The following PHACTR1 variants were observed in gnomAD, a reference collection of about 807,000 sequenced individuals.
PHACTR1 encodes the protein RPEL repeat containing 1.
PHACTR1 carries 16 observed loss-of-function variants against 69.2 expected under a neutral mutation model. The ratio of observed to expected loss-of-function variants is 0.23; its 90% confidence interval spans 0.16 to 0.35. PHACTR1 has a LOEUF of 0.35. Among genes scored for constraint, PHACTR1 ranks in the 10% least tolerant of loss-of-function variants. The probability of loss-of-function intolerance (pLI) is 1.00; values close to 1 mark genes in which losing one functional copy is unlikely to be tolerated. For missense variants in PHACTR1, 510 were observed against 734.7 expected (o/e 0.69, Z 3.54); for synonymous variants, 312 against 284.5 (o/e 1.10, Z -0.97).
At chr6:12,731,789 T>C (rs1260085743) in intron 3 of PHACTR1, among the ~76,000 whole-genome samples, 3 of 152,150 alleles carry the variant, frequency 2.0e-5, no homozygotes, top group Admixed American at 6.6e-5. Context: ...GGTGGTCCTA[T>C]GTTATCTTGG....
At chr6:12,840,459 G>A (rs58773040) in intron 4 of PHACTR1, among the ~76,000 whole-genome samples, 4 of 152,292 alleles carry the variant, frequency 2.6e-5, no homozygotes, top group African/African-American at 9.6e-5. Context: ...GTGTTCATGA[G>A]AAAGGGGCTA....
intron 10 of PHACTR1, chr6:13,264,911 G>T (rs1374788885): frequency 1.3e-5 from 2 of 151,422 alleles, no homozygotes; most frequent in Non-Finnish European, 2.9e-5. Context: ...AGTCCCAGCT[G>T]CTCAGGAGGC....
intron 4 of PHACTR1, among the ~76,000 whole-genome samples, chr6:13,024,777 C>T (rs925836294): frequency 1.3e-5 from 2 of 152,192 alleles, no homozygotes; most frequent in African/African-American, 4.8e-5. Context: ...ATATCTGCAG[C>T]TGAAAATGCC....
rs577125701 is a variant in PHACTR1 at position 12,960,898 on chromosome 6, G to GAAAA, written c.251-92467_251-92466insAAAA. Reference sequence around the variant, plus strand: ...ACTGTGTTTGTATTTTCTTTTTGCAGTCTCCTAACATGGGGATTTAATGCC... The same window carrying GAAAA: ...ACTGTGTTTGTATTTTCTTTTTGCAGAAAATCTCCTAACATGGGGATTTAATGCC... On this transcript the variant is annotated intron_variant, in intron 4 of 14. Coordinates refer to ENST00000332995, the MANE Select transcript of PHACTR1 (RefSeq NM_030948.6). 1.1e-4 allele frequency among the ~76,000 whole-genome samples: 17 copies of GAAAA among 152,232 alleles called. No individual in the cohort carries two copies. In the South Asian group the frequency reaches 3.3e-3, roughly 30 times the overall value.
chr6:12,981,847 TTTCTGC>T (rs1198018188), intron 4 of PHACTR1, among the ~76,000 whole-genome samples: 2 of 152,200 alleles, frequency 1.3e-5, no homozygotes, highest in African/African-American at 2.4e-5. Flanking sequence ...TTTTCAATAT[TTTCTGC>T]TTTATTCCCA....
At chr6:13,015,244 G>A (rs1000721065) in intron 4 of PHACTR1, among the ~76,000 whole-genome samples, 6 of 152,142 alleles carry the variant, frequency 3.9e-5, no homozygotes, top group African/African-American at 1.4e-4. Flanking sequence ...CAAAATTAGA[G>A]TCCTGCTAGC....
chr6:13,190,118 G>T (rs536599406), intron 7 of PHACTR1, among the ~76,000 whole-genome samples: 3 of 150,578 alleles, frequency 2.0e-5, no homozygotes, highest in South Asian at 2.1e-4. Context: ...CCACCTCCTG[G>T]GTTCAAGTGA....
intron 4 of PHACTR1, among the ~76,000 whole-genome samples, chr6:13,002,642 C>G (rs1452780195): frequency 6.6e-6 from 1 of 152,192 alleles, no homozygotes. Context: ...GTACCAATGC[C>G]TGCCTCGAGA....
rs1258667921 is a variant in PHACTR1 at position 13,283,576 on chromosome 6, A to C, written c.1650+14A>C. ...GCTGCAGACAAAGTAAGCAGAGGGG[A>C]GTGCTGGAGAGTGGGAGGCAGGACC... On this transcript the variant is annotated intron_variant, in intron 13 of 14. Coordinates refer to ENST00000332995, the MANE Select transcript of PHACTR1 (RefSeq NM_030948.6). The surrounding 1 kb of genome is among the most constrained non-coding windows in gnomAD (Gnocchi z 4.7). 6.2e-7 allele frequency: 1 copy of C among 1,613,632 alleles called. No homozygotes were observed. Among genetic ancestry groups the C allele is most frequent in the Admixed American group, 1.7e-5 (1 of 60,016 alleles).
intron 7 of PHACTR1, 78 bp downstream of exon 7, chr6:13,182,764 G>T: frequency 4.3e-6 from 6 of 1,394,324 alleles, no homozygotes; most frequent in Non-Finnish European, 5.7e-6. Flanking sequence ...GGCCTGGCTG[G>T]ACTTGGAATT....
Position 12,909,004 on chromosome 6 carries a change from A to G in PHACTR1, c.251-144361A>G, listed in dbSNP as rs191336687. Among the ~76,000 whole-genome samples, 829 of 152,174 alleles carry G rather than the reference A, an allele frequency of 5.4e-3. 6 individuals carry two copies. The highest frequency in any genetic ancestry group is 7.4e-3 in the Non-Finnish European group (506 of 68,002). On this transcript the variant is annotated intron_variant, in intron 4 of 14. Coordinates refer to ENST00000332995, the MANE Select transcript of PHACTR1 (RefSeq NM_030948.6). The stretch of plus-strand genomic sequence containing the variant: ...GATGGCATGAGGAGACGGTGGGGGG[A>G]AACAGAAATGATCAGTGCATAGCAG...
At chr6:12,875,692 T>C (rs1405620944) in intron 4 of PHACTR1, among the ~76,000 whole-genome samples, 3 of 152,256 alleles carry the variant, frequency 2.0e-5, no homozygotes, top group Non-Finnish European at 4.4e-5. Context: ...GAGATTTGTG[T>C]GAGCTCCCAG....
In PHACTR1 at chr6:12,845,628, G is replaced by A. The variant is rs573613539; in HGVS notation, c.250+95838G>A. 9.4e-4 allele frequency among the ~76,000 whole-genome samples: 143 copies of A among 151,898 alleles called. 1 individual carries two copies. Among genetic ancestry groups the A allele is most frequent in the Middle Eastern group, 3.4e-3 (1 of 292 alleles). On this transcript the variant is annotated intron_variant, in intron 4 of 14. Transcript: ENST00000332995. ...TAAGGTTTACCAAAAAAATACCTCC[G>A]AAAGGAAGATAGACTGAGGTTAATG...
intron 9 of PHACTR1, among the ~76,000 whole-genome samples, chr6:13,229,457 A>C (rs1770420622): frequency 6.6e-6 from 1 of 152,132 alleles, no homozygotes. Context: ...ATCCCAGGAT[A>C]TTGCGTGTTT....
chr6:12,969,739 A>C (rs1793947811), intron 4 of PHACTR1, among the ~76,000 whole-genome samples: 2 of 152,164 alleles, frequency 1.3e-5, no homozygotes. Context: ...ATACAGGCGG[A>C]TCACTTGAGG....
intron 10 of PHACTR1, among the ~76,000 whole-genome samples, chr6:13,234,530 A>T (rs1163560323): frequency 6.6e-6 from 1 of 152,244 alleles, no homozygotes; most frequent in East Asian, 1.9e-4. Context: ...AAGAAAAAAA[A>T]AAAGACCACG....
chr6:12,916,542 T>A (rs1582466038), intron 4 of PHACTR1, among the ~76,000 whole-genome samples: 1 of 40,334 alleles, frequency 2.5e-5, no homozygotes. Context: ...CATGGACTGT[T>A]TTTTTTTTTT....
chr6:12,752,232 C>T (rs1448632198), intron 4 of PHACTR1, among the ~76,000 whole-genome samples: 1 of 152,140 alleles, frequency 6.6e-6, no homozygotes, highest in Non-Finnish European at 1.5e-5. Flanking sequence ...GTAATTGTAA[C>T]CCCTGGTTTT....
chr6:13,269,067 A>G (rs1425101885), intron 10 of PHACTR1, among the ~76,000 whole-genome samples: 1 of 152,214 alleles, frequency 6.6e-6, no homozygotes, highest in African/African-American at 2.4e-5. Context: ...GGCACCGTCA[A>G]AGCTGATGAG....
Sources: allele counts gnomAD v4.1 joint callset (sites outside exome capture counted in the v4.1 genomes callset), GRCh38; gene constraint gnomAD v4.1.1; non-coding constraint Gnocchi (gnomAD v3.1); transcripts MANE v1.5; gene names NCBI Gene and HGNC (gene_info 2026-07-23, HGNC 2026-07-21).